TLN2: variants seen among roughly 807,000 people sequenced by gnomAD.
TLN2 encodes the protein talin 2.
Under a neutral mutation model 294.7 loss-of-function variants are expected in TLN2, and 118 were observed. The ratio of observed to expected loss-of-function variants is 0.40; its 90% CI spans 0.34 to 0.47. The LOEUF is 0.47. Among genes scored for constraint, TLN2 ranks in the 20% least tolerant of loss-of-function variants. TLN2 has a pLI of 0.84. For missense variants in TLN2, 3,083 were observed against 3,282.2 expected (o/e 0.94, Z 1.48); for synonymous variants, 1,431 against 1,304.5 (o/e 1.10, Z -2.09).
At chr15:62,506,018 G>C (rs1313320191) in intron 1 of TLN2, among the ~76,000 whole-genome samples, 1 of 152,150 alleles carries the variant, frequency 6.6e-6, no homozygotes, top group Non-Finnish European at 1.5e-5. Flanking sequence ...TTTACTTTTT[G>C]GCAGGCATTG....
intron 1 of TLN2, among the ~76,000 whole-genome samples, chr15:62,577,318 C>G (rs2044508015): frequency 6.6e-6 from 1 of 152,120 alleles, no homozygotes; most frequent in Admixed American, 6.5e-5. Context: ...TGGCGCATGC[C>G]TTTAATCCCA....
chr15:62,409,484 C>G (rs1291811533), intron 1 of TLN2, among the ~76,000 whole-genome samples: 1 of 152,144 alleles, frequency 6.6e-6, no homozygotes, highest in Non-Finnish European at 1.5e-5. Flanking sequence ...AGATTGTTAG[C>G]TTTCTATTTG....
intron 21 of TLN2, among the ~76,000 whole-genome samples, chr15:62,710,909 G>A (rs8027642): frequency 0.024 from 3,589 of 151,740 alleles, 143 homozygotes; most frequent in African/African-American, 0.076. Flanking sequence ...TGTGTTTTTA[G>A]TAGAGATGGG....
intron 3 of TLN2, among the ~76,000 whole-genome samples, chr15:62,621,032 G>T (rs2048777165): frequency 6.6e-6 from 1 of 150,400 alleles, no homozygotes; most frequent in African/African-American, 2.4e-5. Flanking sequence ...GTAGAGACGG[G>T]GTTTCACCAT....
chr15:62,667,730 C>A (rs554661789), intron 9 of TLN2, among the ~76,000 whole-genome samples: 1 of 152,158 alleles, frequency 6.6e-6, no homozygotes. Flanking sequence ...TTGCTGCTTC[C>A]CTGTGTGCTT....
chr15:62,812,805 C>T (rs149673620), intron 52 of TLN2, among the ~76,000 whole-genome samples: 35 of 152,194 alleles, frequency 2.3e-4, no homozygotes, highest in Admixed American at 5.9e-4. Flanking sequence ...GTCCGAGGGG[C>T]GGGCGGGCAG....
chr15:62,607,256 A>G (rs1307795907), intron 2 of TLN2, among the ~76,000 whole-genome samples: 3 of 152,182 alleles, frequency 2.0e-5, no homozygotes, highest in East Asian at 3.9e-4. Context: ...CTTGGGTCAC[A>G]GAAGTCATGG....
intron 22 of TLN2, among the ~76,000 whole-genome samples, chr15:62,713,435 T>C (rs566604946): frequency 6.6e-6 from 1 of 152,242 alleles, no homozygotes; most frequent in African/African-American, 2.4e-5. Flanking sequence ...TCCCAGCACT[T>C]TGAGAGGCCG....
In TLN2 at chr15:62,755,616, C is replaced by T. The variant is rs1335172515; in HGVS notation, c.4561C>T (p.Pro1521Ser). ...CATCGCCTCATCCAAGACGGCCAAC[C>T]CAGTAGCCAAGAGGCACTTCGTCCA... ...CRIASSKTAN[P>S]VAKRHFVQSA... Residue 1521 changes from proline to serine, a missense_variant, in exon 37 of 59, where the codon CCA becomes TCA. By Grantham distance (74) the Pro-to-Ser change is moderately conservative (BLOSUM62 -1). Transcript: ENST00000636159. 1 of 1,614,094 alleles carries T rather than the reference C, an allele frequency of 6.2e-7. No homozygotes were observed. The highest frequency in any genetic ancestry group is 1.3e-5 in the African/African-American group (1 of 74,950).
intron 1 of TLN2, among the ~76,000 whole-genome samples, chr15:62,526,663 A>G (rs545153638): frequency 6.6e-6 from 1 of 152,352 alleles, no homozygotes; most frequent in South Asian, 2.1e-4. Context: ...AACAGAAGCA[A>G]ACATTTTAAA....
intron 2 of TLN2, among the ~76,000 whole-genome samples, chr15:62,606,360 G>A (rs922940524): frequency 5.9e-5 from 9 of 151,882 alleles, no homozygotes; most frequent in African/African-American, 2.2e-4. Context: ...CAAAGCGCTG[G>A]GATTACAGGC....
chr15:62,713,289 AC>A (rs1183126714), intron 22 of TLN2, among the ~76,000 whole-genome samples: 15 of 150,916 alleles, frequency 9.9e-5, no homozygotes, highest in African/African-American at 3.7e-4. Flanking sequence ...AAAAAAAAAA[AC>A]AAAAAATAGA....
At chr15:62,673,322 T>TTTTTTTTTTTTTTTTC (rs1555465070) in intron 9 of TLN2, among the ~76,000 whole-genome samples, 3 of 140,186 alleles carry the variant, frequency 2.1e-5, no homozygotes, top group African/African-American at 5.4e-5. Flanking sequence ...TTTTTTTTTT[T>TTTTTTTTTTTTTTTTC]TTTTTTGCAA....
At chr15:62,763,885 G>A (rs1245644392) in intron 40 of TLN2, among the ~76,000 whole-genome samples, 190 bp downstream of exon 40, 1 of 152,208 alleles carries the variant, frequency 6.6e-6, no homozygotes, top group African/African-American at 2.4e-5. Flanking sequence ...GCCAAGTAGA[G>A]AAGGGTGGCT....
chr15:62,486,079 C>T (rs561336386), intron 1 of TLN2, among the ~76,000 whole-genome samples: 1 of 152,250 alleles, frequency 6.6e-6, no homozygotes, highest in Admixed American at 6.5e-5. Flanking sequence ...AAACATTTTG[C>T]CATACTTATC....
chr15:62,779,462 C>G (rs1047972150), intron 43 of TLN2, among the ~76,000 whole-genome samples: 1 of 152,220 alleles, frequency 6.6e-6, no homozygotes, highest in Admixed American at 6.5e-5. Context: ...AGGAGGAAGG[C>G]TGTACTCTCA....
chr15:62,569,454 A>C (rs973287862), intron 1 of TLN2, among the ~76,000 whole-genome samples: 2 of 152,148 alleles, frequency 1.3e-5, no homozygotes, highest in African/African-American at 4.8e-5. Context: ...GAGATTCAGA[A>C]AGTTCCCCGC....
At chr15:62,483,382 T>C (rs1281296289) in intron 1 of TLN2, among the ~76,000 whole-genome samples, 1 of 152,194 alleles carries the variant, frequency 6.6e-6, no homozygotes, top group Admixed American at 6.5e-5. Context: ...CCTGGCCCAT[T>C]CCTGTACCAA....
intron 13 of TLN2, 147 bp from the exon 14 acceptor site, chr15:62,694,169 G>C: frequency 1.7e-6 from 1 of 579,702 alleles, no homozygotes; most frequent in Non-Finnish European, 3.1e-6. Context: ...TAGAGACGGG[G>C]TCTCACTGTG....
Sources: allele counts gnomAD v4.1 joint callset (sites outside exome capture counted in the v4.1 genomes callset), GRCh38; gene constraint gnomAD v4.1.1; transcripts MANE v1.5; gene names NCBI Gene and HGNC (gene_info 2026-07-23, HGNC 2026-07-21).